The following DLG2 variants were observed in gnomAD, a reference collection of about 807,000 sequenced individuals.
The protein encoded by DLG2 is discs large MAGUK scaffold protein 2, also known as disks large homolog 2.
DLG2 carries 45 observed loss-of-function variants against 132.5 expected under a neutral mutation model. The observed-to-expected ratio is 0.34, with a 90% CI of 0.27 to 0.44. The LOEUF is 0.44. Ranked by LOEUF, DLG2 falls within the 20% of genes least tolerant of loss-of-function variation. The pLI is 1.00. For synonymous variants in DLG2, 424 were observed against 419.6 expected (o/e 1.01, Z -0.13); for missense variants, 1,045 against 1,196.9 (o/e 0.87, Z 1.87).
intron 11 of DLG2, among the ~76,000 whole-genome samples, chr11:84,056,968 G>A (rs1346793724): frequency 6.6e-6 from 1 of 152,104 alleles, no homozygotes; most frequent in Non-Finnish European, 1.5e-5. Flanking sequence ...ATTTCCAACA[G>A]TTATCTGGTT....
At chr11:85,351,855 T>C (rs1051788983) in intron 3 of DLG2, among the ~76,000 whole-genome samples, 5 of 152,202 alleles carry the variant, frequency 3.3e-5, no homozygotes, top group Non-Finnish European at 7.3e-5. Flanking sequence ...ATCAGGGATA[T>C]TGGGCTAAAA....
chr11:84,495,623 T>C (rs1471532131), intron 7 of DLG2, among the ~76,000 whole-genome samples: 1 of 152,168 alleles, frequency 6.6e-6, no homozygotes, highest in East Asian at 1.9e-4. Flanking sequence ...TCATCTATTT[T>C]GGGAAAACTC....
intron 7 of DLG2, among the ~76,000 whole-genome samples, chr11:84,464,550 G>A (rs1163956585): frequency 6.6e-6 from 1 of 150,964 alleles, no homozygotes; most frequent in Non-Finnish European, 1.5e-5. Flanking sequence ...TTGACTTTAG[G>A]TAATTTTTTT....
At chr11:84,501,852 A>G (rs1364588843) in intron 7 of DLG2, among the ~76,000 whole-genome samples, 1 of 152,176 alleles carries the variant, frequency 6.6e-6, no homozygotes, top group African/African-American at 2.4e-5. Flanking sequence ...ATAGTAGAAA[A>G]ACCATGTGAA....
At chr11:84,494,126 T>G (rs2099173494) in intron 7 of DLG2, among the ~76,000 whole-genome samples, 1 of 152,204 alleles carries the variant, frequency 6.6e-6, no homozygotes, top group South Asian at 2.1e-4. Context: ...CATTAAAGAC[T>G]GACAACTTAT....
At chr11:84,153,716 T>C (rs1249886892) in intron 9 of DLG2, among the ~76,000 whole-genome samples, 1 of 152,194 alleles carries the variant, frequency 6.6e-6, no homozygotes, top group Non-Finnish European at 1.5e-5. Context: ...TCTCTTAAAA[T>C]GGCTCTGTCA....
At chr11:84,460,913 G>C (rs1487787098) in intron 7 of DLG2, among the ~76,000 whole-genome samples, 1 of 150,616 alleles carries the variant, frequency 6.6e-6, no homozygotes, top group East Asian at 2.0e-4. Flanking sequence ...TTACTGCACT[G>C]AACTACCCTA....
intron 6 of DLG2, among the ~76,000 whole-genome samples, chr11:84,692,986 G>A (rs559664259): frequency 2.6e-5 from 4 of 151,804 alleles, no homozygotes; most frequent in African/African-American, 7.2e-5. Context: ...TAATAACTGC[G>A]CAAACTGGAA....
In DLG2 at chr11:84,840,827, C is replaced by G. The variant is rs116866664; in HGVS notation, c.357+270834G>C. On this transcript the variant is annotated intron_variant, in intron 6 of 27. Coordinates refer to ENST00000376104, the MANE Select transcript of DLG2 (RefSeq NM_001142699.3). ...GGACACAGGTCGGGGACATCACACACCAGAGCCTGTCCTGGGGTAGGGGGC... is the reference window on the plus strand; with the variant it reads ...GGACACAGGTCGGGGACATCACACAGCAGAGCCTGTCCTGGGGTAGGGGGC... Among the ~76,000 whole-genome samples the G allele has an allele frequency of 1.3e-3, 192 of 152,022 alleles. 2 individuals carry two copies. In the East Asian group the frequency reaches 0.034, roughly 27 times the overall value.
rs201555326 is a variant in DLG2 at position 83,980,613 on chromosome 11, C to T, written c.949G>A (p.Gly317Arg). ...GLGFSIAGGV[G>R]NQHIPGDNSI... ...TTGTCTCCAGGAATGTGTTGGTTCC[C>T]CACACCTCCTGCAATACTGAAGCCT... The change falls in exon 12 of 28, where the codon GGG becomes AGG. Residue 317 changes from glycine (G) to arginine (R), a missense_variant. Gly to Arg is a moderately radical substitution (Grantham distance 125, BLOSUM62 -2). This residue lies in a region of DLG2 where 109 missense variants were observed against 159.1 expected (regional missense o/e 0.69). Transcript: ENST00000376104. 2 of 1,612,492 alleles carry T rather than the reference C, an allele frequency of 1.2e-6. No homozygotes were observed. The highest frequency in any genetic ancestry group is 4.5e-5 in the East Asian group (2 of 44,732).
chr11:84,409,491 C>T (rs1300623010), intron 7 of DLG2, among the ~76,000 whole-genome samples: 1 of 152,190 alleles, frequency 6.6e-6, no homozygotes, highest in African/African-American at 2.4e-5. Context: ...ATTAACATTC[C>T]TTAAATACAT....
At chr11:84,212,285 CATA>C (rs2096766811) in intron 8 of DLG2, among the ~76,000 whole-genome samples, 1 of 152,166 alleles carries the variant, frequency 6.6e-6, no homozygotes, top group Admixed American at 6.5e-5. Flanking sequence ...ACACTAAAAG[CATA>C]ATGATTCTCA....
At chr11:84,152,798 T>C (rs2154252535) in intron 9 of DLG2, among the ~76,000 whole-genome samples, 1 of 152,340 alleles carries the variant, frequency 6.6e-6, no homozygotes, top group East Asian at 1.9e-4. Context: ...TCTTGTTTTT[T>C]TATCTAGCTT....
intron 3 of DLG2, among the ~76,000 whole-genome samples, chr11:85,399,101 TG>T (rs1482035614): frequency 9.2e-5 from 14 of 152,262 alleles, no homozygotes; most frequent in Non-Finnish European, 2.9e-5. Flanking sequence ...ACAAAATCAA[TG>T]TGCAAAAATC....
At chr11:85,028,312 G>T (rs947477537) in intron 6 of DLG2, among the ~76,000 whole-genome samples, 1 of 152,138 alleles carries the variant, frequency 6.6e-6, no homozygotes, top group African/African-American at 2.4e-5. Context: ...CCAAGAGTAG[G>T]TCGGGAAAAA....
intron 8 of DLG2, among the ~76,000 whole-genome samples, chr11:84,204,015 T>C (rs754188452): frequency 2.0e-5 from 3 of 152,214 alleles, no homozygotes; most frequent in Non-Finnish European, 4.4e-5. Context: ...TGGTGTGGAA[T>C]GGTATGATCT....
At chr11:84,962,579 C>T (rs935526504) in intron 6 of DLG2, among the ~76,000 whole-genome samples, 1 of 152,202 alleles carries the variant, frequency 6.6e-6, no homozygotes, top group African/African-American at 2.4e-5. Flanking sequence ...GTCCCTAGCA[C>T]AATGCCAGGC....
chr11:83,787,885 T>G (rs1003192988), intron 17 of DLG2, among the ~76,000 whole-genome samples: 1 of 152,170 alleles, frequency 6.6e-6, no homozygotes, highest in Non-Finnish European at 1.5e-5. Flanking sequence ...ATAATGTAAT[T>G]AATAAGTGCT....
chr11:84,384,281 G>A (rs996826264), intron 7 of DLG2, among the ~76,000 whole-genome samples: 13 of 151,648 alleles, frequency 8.6e-5, no homozygotes, highest in Non-Finnish European at 1.5e-4. Flanking sequence ...TATTTAATGA[G>A]GGCCTATTAT....
Sources: allele counts gnomAD v4.1 joint callset (sites outside exome capture counted in the v4.1 genomes callset), GRCh38; gene constraint gnomAD v4.1.1; regional missense constraint gnomAD v4.1.1; transcripts MANE v1.5; gene names NCBI Gene and HGNC (gene_info 2026-07-23, HGNC 2026-07-21).